The following CEP63 variants were observed in gnomAD, a reference collection of about 807,000 sequenced individuals.
CEP63 encodes centrosomal protein of 63 kDa.
CEP63 carries 84 observed loss-of-function variants against 89.1 expected under a neutral mutation model. The ratio of observed to expected loss-of-function variants is 0.94; its 90% CI spans 0.79 to 1.13. CEP63 has a LOEUF of 1.13. Among genes scored for constraint, CEP63 ranks in the 50% most tolerant of loss-of-function variants. The pLI is 0.00. For missense variants in CEP63, 838 were observed against 813.3 expected, an observed-to-expected ratio of 1.03 and a Z score of -0.37; for synonymous variants, 267 against 272.5, an observed-to-expected ratio of 0.98 and a Z score of 0.20.
the CEP63 span, among the ~76,000 whole-genome samples, chr3:134,680,574 A>T: frequency 1.3e-5 from 2 of 152,194 alleles, no homozygotes; most frequent in East Asian, 3.9e-4. Flanking sequence ...TGACTTTAAG[A>T]TCTCTTCCAA....
the CEP63 span, among the ~76,000 whole-genome samples, chr3:134,644,101 A>AG: frequency 6.6e-6 from 1 of 152,184 alleles, no homozygotes; most frequent in Non-Finnish European, 1.5e-5. Context: ...CTGGGATTAT[A>AG]GGCGTGAGCC....
the CEP63 span, among the ~76,000 whole-genome samples, chr3:134,664,609 G>A: frequency 6.6e-6 from 1 of 152,084 alleles, no homozygotes; most frequent in African/African-American, 2.4e-5. Flanking sequence ...GGGGCCATTT[G>A]TTTGCGTTTT....
the CEP63 span, chr3:134,607,686 C>T: frequency 1.0e-6 from 1 of 985,748 alleles, no homozygotes; most frequent in Non-Finnish European, 1.2e-6. Context: ...TCCAGGGCAG[C>T]CCCCGTATGC....
chr3:134,667,836 T>A, the CEP63 span, among the ~76,000 whole-genome samples: 1 of 152,162 alleles, frequency 6.6e-6, no homozygotes, highest in African/African-American at 2.4e-5. Context: ...CTGGGGATCA[T>A]CAACTGGGTA....
chr3:134,540,699 ATC>A (rs1951814211), intron 6 of CEP63, among the ~76,000 whole-genome samples: 1 of 147,480 alleles, frequency 6.8e-6, no homozygotes. Context: ...GACTTTTTTC[ATC>A]TGTTTATGGC....
At chr3:134,765,707 C>T in the CEP63 span, among the ~76,000 whole-genome samples, 5 of 151,914 alleles carry the variant, frequency 3.3e-5, no homozygotes, top group Non-Finnish European at 7.4e-5. Flanking sequence ...GAGTAGGGGG[C>T]GTAAGGAGAG....
At chr3:134,650,870 A>G in the CEP63 span, 6 of 1,612,076 alleles carry the variant, frequency 3.7e-6, no homozygotes, top group Admixed American at 8.3e-5. Flanking sequence ...TGCTGGTCTG[A>G]GAGCGTACCC....
intron 3 of CEP63, among the ~76,000 whole-genome samples, chr3:134,529,905 G>C (rs1172680795): frequency 9.2e-6 from 1 of 109,032 alleles, no homozygotes; most frequent in African/African-American, 3.6e-5. Flanking sequence ...ACGGGGTCTT[G>C]CTCTGTCGCC....
the CEP63 span, among the ~76,000 whole-genome samples, chr3:134,605,019 C>A: frequency 6.6e-6 from 1 of 152,190 alleles, no homozygotes; most frequent in Non-Finnish European, 1.5e-5. Context: ...CCACCTCCCC[C>A]ACCCCATGCT....
chr3:134,720,367 A>G, the CEP63 span, among the ~76,000 whole-genome samples: 1 of 152,162 alleles, frequency 6.6e-6, no homozygotes, highest in Admixed American at 6.5e-5. Flanking sequence ...TACAAGTTCT[A>G]TTTAAAATAT....
intron 11 of CEP63, among the ~76,000 whole-genome samples, chr3:134,572,383 A>T (rs1045135022): frequency 1.3e-5 from 2 of 152,126 alleles, no homozygotes; most frequent in African/African-American, 2.4e-5. Context: ...TATCCAATAG[A>T]CAGTTTTTCA....
chr3:134,574,163 T>C (rs1313668865), intron 11 of CEP63, among the ~76,000 whole-genome samples: 1 of 152,188 alleles, frequency 6.6e-6, no homozygotes, highest in African/African-American at 2.4e-5. Context: ...TATAGCACTA[T>C]TGGAGGAGCT....
At chr3:134,639,302 C>T in the CEP63 span, among the ~76,000 whole-genome samples, 23 of 152,066 alleles carry the variant, frequency 1.5e-4, no homozygotes, top group Admixed American at 5.2e-4. Context: ...GAACACCACC[C>T]TTAGGGGGTA....
the CEP63 span, chr3:134,651,050 G>C: frequency 1.4e-5 from 22 of 1,567,504 alleles, no homozygotes; most frequent in Non-Finnish European, 1.6e-5. Flanking sequence ...TGCCCCACAC[G>C]GGAGAGGGCG....
At chr3:134,554,850 T>A (rs1955799915) in intron 12 of CEP63, among the ~76,000 whole-genome samples, 1 of 152,094 alleles carries the variant, frequency 6.6e-6, no homozygotes, top group Non-Finnish European at 1.5e-5. Context: ...ATGAGCATTT[T>A]TTCATGTGTT....
At chr3:134,646,783 T>C in the CEP63 span, among the ~76,000 whole-genome samples, 38 of 152,260 alleles carry the variant, frequency 2.5e-4, no homozygotes, top group Non-Finnish European at 2.2e-4. Context: ...GAGTAGAGGT[T>C]TGGTCTCTAT....
At chr3:134,528,569 C>CGTGTGTGTGTGT (rs34415967) in intron 3 of CEP63, among the ~76,000 whole-genome samples, 3,616 of 147,074 alleles carry the variant, frequency 0.025, 68 homozygotes, top group East Asian at 0.059. Context: ...TGTGTGTGTG[C>CGTGTGTGTGTGT]GTGTGTGTGT....
the CEP63 span, among the ~76,000 whole-genome samples, chr3:134,713,269 C>T: frequency 7.9e-5 from 12 of 152,156 alleles, no homozygotes; most frequent in Non-Finnish European, 1.8e-4. Flanking sequence ...AGGGGGACAT[C>T]CTGACTCTGC....
At chr3:134,692,418 C>T in the CEP63 span, among the ~76,000 whole-genome samples, 1 of 151,824 alleles carries the variant, frequency 6.6e-6, no homozygotes, top group African/African-American at 2.4e-5. Flanking sequence ...CAGCTTCATT[C>T]ATGTCCCTAC....
Sources: allele counts gnomAD v4.1 joint callset (sites outside exome capture counted in the v4.1 genomes callset), GRCh38; gene constraint gnomAD v4.1.1; transcripts MANE v1.5; gene names NCBI Gene and HGNC (gene_info 2026-07-23, HGNC 2026-07-21).